ARMH4: variants seen among roughly 807,000 people sequenced by gnomAD.
The protein encoded by ARMH4 is armadillo-like helical domain-containing protein 4.
In ARMH4, 49 loss-of-function variants were observed where a neutral mutation model predicts 61.9. That is an observed-to-expected ratio of 0.79 (90% CI 0.63 to 1.00). ARMH4 has a LOEUF of 1.00. Ranked by LOEUF, ARMH4 falls within the 50% of genes least tolerant of loss-of-function variation. The probability of loss-of-function intolerance (pLI) is 0.00; values close to 1 mark genes in which losing one functional copy is unlikely to be tolerated. For synonymous variants in ARMH4, 368 were observed against 341.5 expected (o/e 1.08, Z -0.85); for missense variants, 934 against 930.0 (o/e 1.00, Z -0.06).
chr14:58,083,562 G>A (rs113834858), intron 5 of ARMH4, among the ~76,000 whole-genome samples: 11,485 of 152,208 alleles, frequency 0.075, 514 homozygotes, highest in Middle Eastern at 0.16. Context: ...CAGCCTGGGC[G>A]ACAGAGCAAG....
chr14:58,056,093 T>C (rs1291304669), intron 5 of ARMH4, among the ~76,000 whole-genome samples: 1 of 152,194 alleles, frequency 6.6e-6, no homozygotes. Context: ...CGGAAACTTT[T>C]ATCCAGAAGT....
At chr14:58,097,681 ATTTT>A (rs34512372) in intron 4 of ARMH4, among the ~76,000 whole-genome samples, 26 of 144,474 alleles carry the variant, frequency 1.8e-4, no homozygotes, top group African/African-American at 6.3e-4. Flanking sequence ...CGTTTTCTTG[ATTTT>A]TTTTTTTTTA....
At chr14:58,116,810 C>T (rs1165318172) in intron 4 of ARMH4, among the ~76,000 whole-genome samples, 1 of 152,146 alleles carries the variant, frequency 6.6e-6, no homozygotes, top group Non-Finnish European at 1.5e-5. Flanking sequence ...ACATAAGTAC[C>T]TTCGCATTTA....
intron 4 of ARMH4, among the ~76,000 whole-genome samples, chr14:58,121,627 G>A (rs1233369795): frequency 1.3e-5 from 2 of 152,206 alleles, no homozygotes; most frequent in Non-Finnish European, 2.9e-5. Context: ...CGTAATGGAT[G>A]TACTAACCCA....
chr14:58,114,621 C>A (rs901663261), intron 4 of ARMH4, among the ~76,000 whole-genome samples: 1 of 152,148 alleles, frequency 6.6e-6, no homozygotes, highest in Non-Finnish European at 1.5e-5. Context: ...ATAGGTCCAA[C>A]GAGCTGAGTG....
Position 58,139,261 on chromosome 14 carries a change from C to T in ARMH4, c.98G>A (p.Arg33Lys). 1 of 1,614,172 alleles carries T rather than the reference C, an allele frequency of 6.2e-7. No homozygotes were observed. ...TQCLAFPKIE[R>K]RREIAHVHAE... The stretch of plus-strand genomic sequence containing the variant: ...ATGAACATGTGCTATCTCCCTCCTC[C>T]TTTCTATTTTGGGGAAGGCCAGACA... Residue 33 changes from arginine (R) to lysine (K), a missense_variant, in exon 2 of 8, where the codon AGG (arginine) becomes AAG (lysine). Transcript: ENST00000267485.
chr14:58,097,220 G>A (rs1370126814), intron 4 of ARMH4, among the ~76,000 whole-genome samples: 1 of 152,120 alleles, frequency 6.6e-6, no homozygotes, highest in Non-Finnish European at 1.5e-5. Context: ...ATGTTTACTG[G>A]GAGTCAAAGT....
At chr14:58,091,083 A>G (rs12897032) in intron 5 of ARMH4, among the ~76,000 whole-genome samples, 63,645 of 149,828 alleles carry the variant, frequency 0.42, 13,754 homozygotes, top group Non-Finnish European at 0.47. Flanking sequence ...GGCATGGTGC[A>G]TGCCTGTAAT....
chr14:58,081,186 T>A (rs1455915542), intron 5 of ARMH4, among the ~76,000 whole-genome samples: 1 of 152,180 alleles, frequency 6.6e-6, no homozygotes, highest in Non-Finnish European at 1.5e-5. Context: ...AAAAAGTGCA[T>A]CCTCTGGCCC....
intron 1 of ARMH4, among the ~76,000 whole-genome samples, chr14:58,145,530 A>T (rs2139998831): frequency 6.6e-6 from 1 of 152,326 alleles, no homozygotes; most frequent in Middle Eastern, 3.4e-3. Flanking sequence ...AGAAGGGATA[A>T]ATAATAAAGA....
intron 2 of ARMH4, among the ~76,000 whole-genome samples, chr14:58,134,311 C>G (rs1388294805): frequency 6.6e-6 from 1 of 152,150 alleles, no homozygotes; most frequent in East Asian, 1.9e-4. Context: ...ATGAATAGAA[C>G]TGGCAGGGTA....
rs186885971 is a variant in ARMH4, at chr14:58,002,712, G to T, written c.*2024C>A. The T allele has an allele frequency of 6.6e-6, 1 of 152,220 alleles. No homozygotes were observed. Among genetic ancestry groups the T allele is most frequent in the Non-Finnish European group, 1.5e-5 (1 of 68,038 alleles). The allele number at this position is 152,220 out of a possible 1,614,324, so 9.4% of individuals were successfully genotyped here. ...TTAGAAACACTTACAGCAAAGGGCT[G>T]CTCTTAGAAAAGGAAAACATCCCTT... is the stretch of plus-strand genomic sequence containing the variant. On this transcript the variant is annotated 3_prime_UTR_variant, in exon 8 of 8. Transcript: ENST00000267485.
At position 58,139,058 on chromosome 14, in the gene ARMH4, C is replaced by G. The variant is rs368698295; in HGVS notation, c.301G>C (p.Ala101Pro). 1 of 1,614,254 alleles carries G rather than the reference C, an allele frequency of 6.2e-7. No individual in the cohort carries two copies. Among genetic ancestry groups the G allele is most frequent in the Non-Finnish European group, 8.5e-7 (1 of 1,180,052 alleles). The change falls in exon 2 of 8, where the codon GCT becomes CCT. Residue 101 changes from alanine (A) to proline (P), a missense_variant. Ala to Pro is a conservative substitution (Grantham distance 27, BLOSUM62 -1). Coordinates refer to ENST00000267485, the MANE Select transcript of ARMH4 (RefSeq NM_001001872.4). ...GGGCGTTCTGTTTGCATGAGCCCAG[C>G]TTGTCCAGGCTGGGTTTCTTTGTTA... is the stretch of plus-strand genomic sequence containing the variant. Reference protein sequence around the residue: ...SINKETQPGQAGLMQTERPGV... With the variant: ...SINKETQPGQPGLMQTERPGV...
chr14:58,040,365 C>G (rs1467350218), intron 5 of ARMH4, among the ~76,000 whole-genome samples: 2 of 152,076 alleles, frequency 1.3e-5, no homozygotes, highest in Non-Finnish European at 2.9e-5. Context: ...CGCCATGTGT[C>G]CATGTGTTCT....
At chr14:58,028,409 C>A (rs778651234) in intron 5 of ARMH4, among the ~76,000 whole-genome samples, 13 of 152,184 alleles carry the variant, frequency 8.5e-5, no homozygotes, top group Admixed American at 1.3e-4. Flanking sequence ...GGGATTCTTG[C>A]ATCAAGAAGT....
intron 5 of ARMH4, among the ~76,000 whole-genome samples, chr14:58,091,363 G>T (rs1252342585): frequency 6.6e-6 from 1 of 152,200 alleles, no homozygotes; most frequent in Non-Finnish European, 1.5e-5. Flanking sequence ...AAGGATAGTA[G>T]TAGAGCAAAA....
At chr14:58,032,224 GAGA>G (rs2141166683) in intron 5 of ARMH4, among the ~76,000 whole-genome samples, 1 of 152,250 alleles carries the variant, frequency 6.6e-6, no homozygotes, top group South Asian at 2.1e-4. Context: ...TCCAGCACCA[GAGA>G]AGGCCTGGCA....
At chr14:58,018,506 T>C (rs1324750434) in intron 5 of ARMH4, among the ~76,000 whole-genome samples, 1 of 150,658 alleles carries the variant, frequency 6.6e-6, no homozygotes, top group African/African-American at 2.4e-5. Flanking sequence ...AAAAAGTACA[T>C]GAAAAATGTT....
rs1326897772 is a variant in ARMH4 at position 58,138,703 on chromosome 14, T to C, written c.656A>G (p.Asn219Ser). 4.3e-6 allele frequency: 7 copies of C among 1,614,048 alleles called. No homozygotes were observed. The highest frequency in any genetic ancestry group is 4.0e-5 in the African/African-American group (3 of 74,954). The change falls in exon 2 of 8, where the codon AAT becomes AGT. Residue 219 changes from asparagine to serine, a missense_variant. By Grantham distance (46) the Asn-to-Ser change is conservative. Transcript: ENST00000267485. ...TGCTTCAAATTTCTCAGTCTTTGGA[T>C]TGGTGGTTAGCATTTCCTTAGTATT... Reference protein sequence around the residue: ...YVNTKEMLTTNPKTEKFEADT... With the variant: ...YVNTKEMLTTSPKTEKFEADT...
Sources: allele counts gnomAD v4.1 joint callset (sites outside exome capture counted in the v4.1 genomes callset), GRCh38; gene constraint gnomAD v4.1.1; transcripts MANE v1.5; gene names NCBI Gene and HGNC (gene_info 2026-07-23, HGNC 2026-07-21).